Variants in SORL1 observed in about 807,000 individuals in gnomAD.
SORL1 encodes sortilin related receptor 1, also known as sortilin-related receptor.
A neutral mutation model predicts 273.7 loss-of-function variants in SORL1; 127 were observed. That is an observed-to-expected ratio of 0.46 (90% CI 0.40 to 0.54). The LOEUF is 0.54. SORL1 is among the 20% of genes least tolerant of loss of function. The probability of loss-of-function intolerance (pLI) is 0.00; values close to 1 mark genes in which losing one functional copy is unlikely to be tolerated. For synonymous variants in SORL1, 1,031 were observed against 1,067.4 expected, an observed-to-expected ratio of 0.97 and a Z score of 0.66; for missense variants, 2,494 against 2,846.1, an observed-to-expected ratio of 0.88 and a Z score of 2.81.
At chr11:121,547,123 T>C (rs1175022458) in intron 14 of SORL1, 3 of 152,250 alleles carry the variant, frequency 2.0e-5, no homozygotes, top group African/African-American at 7.2e-5. Flanking sequence ...TGCTCTTTCT[T>C]ACACACTTTT....
At chr11:121,615,380 G>A (rs1863625713) in intron 41 of SORL1, among the ~76,000 whole-genome samples, 1 of 151,706 alleles carries the variant, frequency 6.6e-6, no homozygotes, top group Non-Finnish European at 1.5e-5. Context: ...TCTCCTCCTT[G>A]GTGTCCTTCC....
At chr11:121,521,838 C>A (rs149652285) in intron 9 of SORL1, among the ~76,000 whole-genome samples, 142 of 152,300 alleles carry the variant, frequency 9.3e-4, no homozygotes, top group African/African-American at 2.6e-3. Flanking sequence ...TGACCATAAC[C>A]ACATAAGCAC....
At chr11:121,489,439 T>G (rs918110055) in intron 4 of SORL1, among the ~76,000 whole-genome samples, 2 of 152,246 alleles carry the variant, frequency 1.3e-5, no homozygotes, top group South Asian at 2.1e-4. Flanking sequence ...TCTATGCTTT[T>G]GCCTACTCTA....
At chr11:121,573,680 C>T (rs934003299) in intron 23 of SORL1, among the ~76,000 whole-genome samples, 40 of 152,166 alleles carry the variant, frequency 2.6e-4, no homozygotes, top group African/African-American at 9.7e-4. Context: ...TTATCTTACC[C>T]AGTTTTACTG....
intron 32 of SORL1, among the ~76,000 whole-genome samples, chr11:121,598,452 G>A (rs983182374): frequency 6.6e-6 from 1 of 152,204 alleles, no homozygotes; most frequent in African/African-American, 2.4e-5. Flanking sequence ...CCTGGGTGGG[G>A]CTAGCACGAT....
chr11:121,465,762 C>T (rs643010), intron 1 of SORL1, among the ~76,000 whole-genome samples: 78,525 of 152,046 alleles, frequency 0.52, 20,405 homozygotes, highest in African/African-American at 0.58. Context: ...CTCCTGACCT[C>T]GTGATCTGCC....
chr11:121,609,393 G>A (rs1321080456), intron 38 of SORL1: 1 of 152,196 alleles, frequency 6.6e-6, no homozygotes, highest in Non-Finnish European at 1.5e-5. Context: ...TTTTATTGTT[G>A]TATCTCTTCT....
chr11:121,604,044 C>T (rs768398030), intron 32 of SORL1, 149 bp from the exon 33 acceptor site: 33 of 927,998 alleles, frequency 3.6e-5, no homozygotes, highest in African/African-American at 9.9e-5. Context: ...ACCTTAGTGC[C>T]GGTATAGATT....
At chr11:121,482,273 T>G (rs1398673493) in intron 3 of SORL1, among the ~76,000 whole-genome samples, 1 of 152,160 alleles carries the variant, frequency 6.6e-6, no homozygotes, top group Non-Finnish European at 1.5e-5. Context: ...TAAGGGAGTT[T>G]AGGTGCTGCA....
At chr11:121,496,636 G>A (rs1861633142) in intron 5 of SORL1, among the ~76,000 whole-genome samples, 1 of 152,196 alleles carries the variant, frequency 6.6e-6, no homozygotes, top group Non-Finnish European at 1.5e-5. Flanking sequence ...GTTGCCTTGA[G>A]CTAAACCCAG....
intron 1 of SORL1, among the ~76,000 whole-genome samples, chr11:121,457,112 C>A (rs115032157): frequency 1.3e-5 from 2 of 152,240 alleles, no homozygotes; most frequent in South Asian, 2.1e-4. Context: ...TTCCACTTGG[C>A]GTCTTTTCTT....
At chr11:121,560,681 T>C (rs1862658165) in intron 21 of SORL1, among the ~76,000 whole-genome samples, 1 of 152,218 alleles carries the variant, frequency 6.6e-6, no homozygotes, top group Admixed American at 6.5e-5. Context: ...GTTATAGATA[T>C]CATTGTTATC....
chr11:121,570,386 A>G (rs748916162), intron 23 of SORL1, 116 bp downstream of exon 23: 10 of 638,626 alleles, frequency 1.6e-5, no homozygotes, highest in Non-Finnish European at 2.0e-5. Flanking sequence ...GGTGATGCCC[A>G]TCTAAGTTGA....
intron 45 of SORL1, among the ~76,000 whole-genome samples, chr11:121,624,418 C>T (rs1247769157): frequency 1.3e-5 from 2 of 152,114 alleles, no homozygotes; most frequent in African/African-American, 2.4e-5. Context: ...AGGGCTGTCC[C>T]CAGGATGGCT....
intron 3 of SORL1, among the ~76,000 whole-genome samples, chr11:121,487,366 G>T (rs1229473507): frequency 6.6e-6 from 1 of 152,164 alleles, no homozygotes; most frequent in Non-Finnish European, 1.5e-5. Flanking sequence ...CCACTATCCA[G>T]CCTAAATTGT....
intron 6 of SORL1, among the ~76,000 whole-genome samples, chr11:121,511,388 A>G (rs373767059): frequency 3.3e-5 from 5 of 152,328 alleles, no homozygotes; most frequent in Admixed American, 6.5e-5. Flanking sequence ...ATAAAAATGT[A>G]TATTTCATTG....
chr11:121,552,465 C>T (rs528206467), intron 16 of SORL1, among the ~76,000 whole-genome samples: 156 of 152,186 alleles, frequency 1.0e-3, no homozygotes, highest in Non-Finnish European at 1.7e-3. Context: ...AAAAAAAAGC[C>T]CAGAGTGACA....
intron 25 of SORL1, among the ~76,000 whole-genome samples, chr11:121,582,191 T>C (rs143186982): frequency 1.5e-4 from 23 of 152,380 alleles, no homozygotes; most frequent in African/African-American, 4.6e-4. Flanking sequence ...TCAGGTTCTT[T>C]GGATTTCTGA....
At chr11:121,558,893 G>C in intron 20 of SORL1, 56 bp downstream of exon 20, 1 of 1,598,150 alleles carries the variant, frequency 6.3e-7, no homozygotes, top group African/African-American at 1.3e-5. Flanking sequence ...GAGCATATGA[G>C]ATCAGGAGCC....
Sources: allele counts gnomAD v4.1 joint callset (sites outside exome capture counted in the v4.1 genomes callset), GRCh38; gene constraint gnomAD v4.1.1; transcripts MANE v1.5; gene names NCBI Gene and HGNC (gene_info 2026-07-23, HGNC 2026-07-21).